The following GABPB2 variants were observed in gnomAD, a reference collection of about 807,000 sequenced individuals.
GABPB2 encodes GA-binding protein subunit beta-2.
GABPB2 carries 23 observed loss-of-function variants against 39.1 expected under a neutral mutation model. The ratio of observed to expected loss-of-function variants is 0.59; its 90% confidence interval spans 0.42 to 0.83. The LOEUF is 0.83. GABPB2 is among the 40% of genes least tolerant of loss of function. GABPB2 has a pLI of 0.00. For synonymous variants in GABPB2, 184 were observed against 199.3 expected (o/e 0.92, Z 0.65); for missense variants, 467 against 541.1 (o/e 0.86, Z 1.36).
At chr1:151,108,258 C>G (rs981634060) in intron 7 of GABPB2, among the ~76,000 whole-genome samples, 14 of 152,194 alleles carry the variant, frequency 9.2e-5, no homozygotes, top group African/African-American at 3.1e-4. Flanking sequence ...CAACCTCCAG[C>G]TCCCTGGTTC....
At chr1:151,084,370 G>A (rs889269027) in intron 1 of GABPB2, among the ~76,000 whole-genome samples, 10 of 148,772 alleles carry the variant, frequency 6.7e-5, no homozygotes, top group African/African-American at 2.0e-4. Context: ...TTACAGGCAT[G>A]CGCCACCATG....
intron 7 of GABPB2, among the ~76,000 whole-genome samples, chr1:151,107,813 A>G (rs1411720897): frequency 1.3e-5 from 2 of 152,008 alleles, no homozygotes; most frequent in African/African-American, 2.4e-5. Context: ...GCGCACGCCT[A>G]TAGTCCCAGC....
In GABPB2 at chr1:151,122,765, A is replaced by T. The variant is rs1207705774; in HGVS notation, c.*4509A>T. ...TCATTCCTACCTCCCCAACCCCCAA[A>T]ATCTCTAATACAGGCCAAGTCATTT... On this transcript the variant is annotated 3_prime_UTR_variant, in exon 9 of 9. Transcript: ENST00000368918. 1.3e-5 allele frequency: 2 copies of T among 152,078 alleles called. No individual in the cohort carries two copies. The highest frequency in any genetic ancestry group is 2.4e-5 in the African/African-American group (1 of 41,388). The allele number at this position is 152,078 out of a possible 1,614,324, so 9.4% of individuals were successfully genotyped here.
intron 1 of GABPB2, among the ~76,000 whole-genome samples, 164 bp downstream of exon 1, chr1:151,071,098 G>A (rs1479431911): frequency 4.6e-5 from 7 of 152,258 alleles, no homozygotes; most frequent in African/African-American, 1.4e-4. Flanking sequence ...GGGGGACGGG[G>A]AGGAAGGGGA....
chr1:151,075,085 C>T (rs867619045), intron 1 of GABPB2, among the ~76,000 whole-genome samples: 4 of 151,504 alleles, frequency 2.6e-5, no homozygotes, highest in South Asian at 2.1e-4. Flanking sequence ...GAGGTTGTGG[C>T]GAGCCGAGAT....
At chr1:151,086,073 C>T (rs986493439) in intron 1 of GABPB2, among the ~76,000 whole-genome samples, 2 of 151,914 alleles carry the variant, frequency 1.3e-5, no homozygotes, top group African/African-American at 4.8e-5. Context: ...TGTGAATCCC[C>T]ATCTCTACAA....
rs1681177182 is a variant in GABPB2 at position 151,121,360 on chromosome 1, T to A, written c.*3104T>A. The A allele has an allele frequency of 6.6e-6, 1 of 152,188 alleles. No homozygotes were observed. The highest frequency in any genetic ancestry group is 1.5e-5 in the Non-Finnish European group (1 of 68,050). The allele number at this position is 152,188 out of a possible 1,614,324, so 9.4% of individuals were successfully genotyped here. A position where few individuals can be genotyped will look rare whatever the true frequency, so the allele number is the denominator to read the frequency against. ...AAAGATTCTGGCTACTTTGTCTTCTTCCTTTCTCTCCCACTATGCCTACAC... is the reference window on the plus strand; with the variant it reads ...AAAGATTCTGGCTACTTTGTCTTCTACCTTTCTCTCCCACTATGCCTACAC... On this transcript the variant is annotated 3_prime_UTR_variant, in exon 9 of 9. Transcript: ENST00000368918.
intron 1 of GABPB2, among the ~76,000 whole-genome samples, chr1:151,084,542 T>G (rs1050154353): frequency 1.5e-5 from 2 of 131,998 alleles, no homozygotes; most frequent in Admixed American, 7.9e-5. Flanking sequence ...GTTTTTTTTT[T>G]TTTTTTTTTT....
chr1:151,086,131 G>C (rs1366632536), intron 1 of GABPB2, among the ~76,000 whole-genome samples: 1 of 152,048 alleles, frequency 6.6e-6, no homozygotes, highest in Admixed American at 6.6e-5. Context: ...TGTAGTCCCA[G>C]CTACTCGGGA....
In GABPB2 at chr1:151,123,092, T is replaced by C. The variant is rs587740623; in HGVS notation, c.*4836T>C. 3.3e-4 allele frequency: 51 copies of C among 152,310 alleles called. No homozygotes were observed. The highest frequency in any genetic ancestry group is 1.2e-3 in the African/African-American group (49 of 41,576). The allele number at this position is 152,310 out of a possible 1,614,324, so 9.4% of individuals were successfully genotyped here. Reference sequence around the variant, plus strand: ...ATTAGTCATGGAAGTTGGGGAAATATTGCTTAGATCTTCTGGGTTAGAGGA... The same window carrying C: ...ATTAGTCATGGAAGTTGGGGAAATACTGCTTAGATCTTCTGGGTTAGAGGA... On this transcript the variant is annotated 3_prime_UTR_variant, in exon 9 of 9. Coordinates refer to ENST00000368918, the MANE Select transcript of GABPB2 (RefSeq NM_144618.3).
At chr1:151,071,239 G>A (rs1182376914) in intron 1 of GABPB2, among the ~76,000 whole-genome samples, 2 of 152,178 alleles carry the variant, frequency 1.3e-5, no homozygotes, top group East Asian at 3.9e-4. Context: ...GCGCGGAGCC[G>A]GGGCCGAGGC....
intron 1 of GABPB2, among the ~76,000 whole-genome samples, chr1:151,085,426 T>G (rs1043644252): frequency 6.6e-6 from 1 of 152,092 alleles, no homozygotes; most frequent in Admixed American, 6.6e-5. Flanking sequence ...TGATGTTCCA[T>G]GATAAAAGCA....
Position 151,120,759 on chromosome 1 carries a change from T to TG in GABPB2, c.*2503_*2504insG, listed in dbSNP as rs1300920197. On this transcript the variant is annotated 3_prime_UTR_variant, in exon 9 of 9. Transcript: ENST00000368918. ...AATGTCAAGCTCAGTCTCTCTTTTTTTTTTTTTTTTTTTTGAGACGGAGTC... is the reference window on the plus strand; with the variant it reads ...AATGTCAAGCTCAGTCTCTCTTTTTTGTTTTTTTTTTTTTTGAGACGGAGTC... 6.7e-6 allele frequency: 1 copy of TG among 149,772 alleles called. No individual in the cohort carries two copies. The highest frequency in any genetic ancestry group is 1.5e-5 in the Non-Finnish European group (1 of 67,234). 9.3% of individuals were successfully genotyped at this position (149,772 alleles called of 1,614,324 possible). A position where few individuals can be genotyped will look rare whatever the true frequency, so the allele number is the denominator to read the frequency against.
Position 151,118,203 on chromosome 1 carries a change from G to A in GABPB2, c.1294G>A (p.Ala432Thr). 2 of 1,614,156 alleles carry A rather than the reference G, an allele frequency of 1.2e-6. No homozygotes were observed. Among genetic ancestry groups the A allele is most frequent in the Non-Finnish European group, 1.7e-6 (2 of 1,180,026 alleles). The change falls in exon 9 of 9, where the codon GCA (alanine) becomes ACA (threonine). Residue 432 changes from alanine to threonine, a missense_variant. Ala to Thr is a moderately conservative substitution (Grantham distance 58). Transcript: ENST00000368918. ...EERETKVTGS[A>T]GTTEPHTRVS... Reference sequence around the variant, plus strand: ...GAGAGAGACAAAAGTGACTGGGTCAGCAGGGACCACAGAGCCTCACACTAG... The same window carrying A: ...GAGAGAGACAAAAGTGACTGGGTCAACAGGGACCACAGAGCCTCACACTAG...
intron 1 of GABPB2, among the ~76,000 whole-genome samples, chr1:151,082,795 A>G (rs1677839508): frequency 6.6e-6 from 1 of 151,646 alleles, no homozygotes; most frequent in Non-Finnish European, 1.5e-5. Flanking sequence ...GGGCAATATA[A>G]CAAAACTGCA....
chr1:151,082,874 G>T (rs1223721574), intron 1 of GABPB2, among the ~76,000 whole-genome samples: 1 of 151,702 alleles, frequency 6.6e-6, no homozygotes, highest in Non-Finnish European at 1.5e-5. Context: ...TACTCAAGAG[G>T]CTGAGGACGG....
At position 151,122,830 on chromosome 1, in the gene GABPB2, A is replaced by G. The variant is rs961361362; in HGVS notation, c.*4574A>G. The G allele has an allele frequency of 6.6e-6, 1 of 152,054 alleles. No individual in the cohort carries two copies. The highest frequency in any genetic ancestry group is 1.5e-5 in the Non-Finnish European group (1 of 68,008). 9.4% of individuals were successfully genotyped at this position (152,054 alleles called of 1,614,324 possible). ...CTGAGATAGGGCAGTTTGTTAGAGG[A>G]GAGGCTAGGGTAGAGAGGGAGAGAA... is the stretch of plus-strand genomic sequence containing the variant. On this transcript the variant is annotated 3_prime_UTR_variant, in exon 9 of 9. Transcript: ENST00000368918.
intron 4 of GABPB2, 25 bp from the exon 5 acceptor site, chr1:151,097,827 T>C: frequency 1.3e-6 from 2 of 1,599,808 alleles, no homozygotes; most frequent in Non-Finnish European, 1.7e-6. Context: ...GTGTTCTGAT[T>C]GAAATATCCT....
At chr1:151,081,401 A>G (rs986980210) in intron 1 of GABPB2, among the ~76,000 whole-genome samples, 10 of 151,960 alleles carry the variant, frequency 6.6e-5, no homozygotes, top group South Asian at 2.1e-4. Flanking sequence ...AGGCACAAGA[A>G]TCACTTAAAC....
Sources: allele counts gnomAD v4.1 joint callset (sites outside exome capture counted in the v4.1 genomes callset), GRCh38; gene constraint gnomAD v4.1.1; transcripts MANE v1.5; gene names NCBI Gene and HGNC (gene_info 2026-07-23, HGNC 2026-07-21).